Variants in ZBTB20 observed in about 807,000 individuals in gnomAD.
The protein encoded by ZBTB20 is zinc finger and BTB domain-containing protein 20.
In ZBTB20, 9 loss-of-function variants were observed where a neutral mutation model predicts 56.9. The observed-to-expected ratio is 0.16, with a 90% CI of 0.10 to 0.28. ZBTB20 has a LOEUF of 0.28. ZBTB20 is among the 10% of genes least tolerant of loss of function. ZBTB20 has a pLI of 1.00. For missense variants in ZBTB20, 655 were observed against 1,003.0 expected (o/e 0.65, Z 4.69); for synonymous variants, 417 against 420.7 (o/e 0.99, Z 0.11).
intron 7 of ZBTB20, among the ~76,000 whole-genome samples, chr3:114,452,917 T>C (rs1214324256): frequency 6.6e-6 from 1 of 151,274 alleles, no homozygotes; most frequent in African/African-American, 2.4e-5. Flanking sequence ...TAATGTACCT[T>C]AAAAAGATTT....
chr3:114,657,551 C>T lies in ZBTB20; in HGVS notation c.-295+35977G>A, dbSNP rs952498540. On this transcript the variant is annotated intron_variant, in intron 6 of 11. Coordinates refer to ENST00000675478, the MANE Select transcript of ZBTB20 (RefSeq NM_001348800.3). ...ATGTAGATTCATGGGAGCCTTCCCT[C>T]GATGGCTCCATCCTTTCTAATACTT... Among the ~76,000 whole-genome samples the T allele has an allele frequency of 1.2e-4, 19 of 152,324 alleles. No homozygotes were observed. The East Asian group carries it at 1.5e-3, about 12-fold the overall frequency.
intron 2 of ZBTB20, among the ~76,000 whole-genome samples, chr3:115,032,958 TAA>T (rs77048136): frequency 3.5e-5 from 2 of 56,546 alleles, no homozygotes; most frequent in African/African-American, 6.3e-5. Flanking sequence ...CCTAAGGAAC[TAA>T]AAAAAAAAAA....
intron 2 of ZBTB20, among the ~76,000 whole-genome samples, chr3:115,029,226 A>T (rs896099849): frequency 1.3e-5 from 2 of 150,902 alleles, no homozygotes; most frequent in African/African-American, 2.4e-5. Flanking sequence ...AAGTAATGTT[A>T]AAAAATTTTG....
intron 1 of ZBTB20, among the ~76,000 whole-genome samples, chr3:115,075,324 C>T (rs2082556607): frequency 6.6e-6 from 1 of 152,052 alleles, no homozygotes; most frequent in South Asian, 2.1e-4. Flanking sequence ...CATTCTATTC[C>T]TTGATTCTAT....
chr3:114,525,939 C>A (rs2109981488), intron 6 of ZBTB20, among the ~76,000 whole-genome samples: 1 of 152,346 alleles, frequency 6.6e-6, no homozygotes, highest in African/African-American at 2.4e-5. Flanking sequence ...GCAATTCCCA[C>A]AGCTAAATCA....
intron 8 of ZBTB20, among the ~76,000 whole-genome samples, chr3:114,384,035 G>A (rs1576506356): frequency 6.6e-6 from 1 of 151,600 alleles, no homozygotes; most frequent in Admixed American, 6.6e-5. Context: ...CCTTCCTCCT[G>A]GTCACCATGC....
At chr3:114,684,227 T>C (rs763437259) in intron 6 of ZBTB20, among the ~76,000 whole-genome samples, 1 of 152,200 alleles carries the variant, frequency 6.6e-6, no homozygotes, top group Non-Finnish European at 1.5e-5. Context: ...GAGTCTAATA[T>C]GTATTCATCT....
In ZBTB20 at chr3:114,323,908, C is replaced by G. The variant is rs917577480; in HGVS notation, c.*15097G>C. The G allele has an allele frequency of 6.6e-6, 1 of 152,156 alleles. No homozygotes were observed. The highest frequency in any genetic ancestry group is 2.4e-5 in the African/African-American group (1 of 41,420). The allele number at this position is 152,156 out of a possible 1,614,324, so 9.4% of individuals were successfully genotyped here. A position where few individuals can be genotyped will look rare whatever the true frequency, so the allele number is the denominator to read the frequency against. ...ATACGTAACACACTCTCTCCCAGCACAAGTAAGTACATTTCAGTAGTGCAA... is the reference window on the plus strand; with the variant it reads ...ATACGTAACACACTCTCTCCCAGCAGAAGTAAGTACATTTCAGTAGTGCAA... On this transcript the variant is annotated 3_prime_UTR_variant, in exon 12 of 12. Transcript: ENST00000675478.
intron 4 of ZBTB20, among the ~76,000 whole-genome samples, chr3:114,842,858 C>T (rs2107332075): frequency 6.6e-6 from 1 of 152,266 alleles, no homozygotes; most frequent in Non-Finnish European, 1.5e-5. Flanking sequence ...TGTGGAATTC[C>T]TGCACTAGTA....
intron 4 of ZBTB20, among the ~76,000 whole-genome samples, chr3:114,867,969 T>C (rs1346786391): frequency 6.6e-6 from 1 of 152,162 alleles, no homozygotes; most frequent in African/African-American, 2.4e-5. Context: ...CTGAATAACT[T>C]TGTTTAGTTA....
chr3:114,327,203 C>T lies in ZBTB20; in HGVS notation c.*11802G>A, dbSNP rs928306060. On this transcript the variant is annotated 3_prime_UTR_variant, in exon 12 of 12. Transcript: ENST00000675478. ...ACAGGATTTAGACATTAATCTGAGA[C>T]TAACACAGAGGTTGTGGTGAGAAAT... is the stretch of plus-strand genomic sequence containing the variant. 4.6e-5 allele frequency: 7 copies of T among 152,056 alleles called. No homozygotes were observed. Among genetic ancestry groups the T allele is most frequent in the African/African-American group, 1.7e-4 (7 of 41,368 alleles). 9.4% of individuals were successfully genotyped at this position (152,056 alleles called of 1,614,324 possible). A position where few individuals can be genotyped will look rare whatever the true frequency, so the allele number is the denominator to read the frequency against.
intron 5 of ZBTB20, among the ~76,000 whole-genome samples, chr3:114,742,754 C>A (rs1031627991): frequency 1.3e-5 from 2 of 152,126 alleles, no homozygotes; most frequent in Non-Finnish European, 2.9e-5. Flanking sequence ...AAGCACCTGG[C>A]AAGCTTTTAA....
chr3:114,724,865 A>C (rs2065160788), intron 5 of ZBTB20, among the ~76,000 whole-genome samples: 1 of 152,186 alleles, frequency 6.6e-6, no homozygotes, highest in South Asian at 2.1e-4. Context: ...TGGCTTTCAC[A>C]TTTAATTGAG....
chr3:114,574,799 T>C (rs1443301734), intron 6 of ZBTB20, among the ~76,000 whole-genome samples: 3 of 152,198 alleles, frequency 2.0e-5, no homozygotes, highest in African/African-American at 7.2e-5. Flanking sequence ...CTATGACAGC[T>C]CCTGGTTATT....
At chr3:115,124,186 T>A (rs2084259255) in intron 1 of ZBTB20, among the ~76,000 whole-genome samples, 1 of 152,224 alleles carries the variant, frequency 6.6e-6, no homozygotes, top group African/African-American at 2.4e-5. Flanking sequence ...TAAAAAGTAA[T>A]GTAAGTGAAT....
At position 114,833,949 on chromosome 3, in the gene ZBTB20, T is replaced by A. The variant is rs1237828238; in HGVS notation, c.-416-32775A>T. Among the ~76,000 whole-genome samples the A allele has an allele frequency of 2.0e-5, 3 of 152,294 alleles. No homozygotes were observed. In the East Asian group the frequency reaches 5.8e-4, roughly 29 times the overall value. On this transcript the variant is annotated intron_variant, in intron 4 of 11. Coordinates refer to ENST00000675478, the MANE Select transcript of ZBTB20 (RefSeq NM_001348800.3). ...AGTAGTAAGTGAAATTCAGCCAGAC[T>A]TTGAACATAGACATCCTGTTTTAGA... is the stretch of plus-strand genomic sequence containing the variant.
chr3:114,539,380 C>A lies in ZBTB20; in HGVS notation c.-294-38989G>T, dbSNP rs2684291. ...TGATTCTCCACTATTTTTGGCGATA[C>A]AATAGTAATAATGTTAGACATTTGT... On this transcript the variant is annotated intron_variant, in intron 6 of 11. Coordinates refer to ENST00000675478, the MANE Select transcript of ZBTB20 (RefSeq NM_001348800.3). Among the ~76,000 whole-genome samples, 1,001 of 152,170 alleles carry A rather than the reference C, an allele frequency of 6.6e-3. 9 individuals carry two copies. The highest frequency in any genetic ancestry group is 0.022 in the African/African-American group (920 of 41,524).
At chr3:114,363,955 C>T (rs1344369416) in intron 10 of ZBTB20, among the ~76,000 whole-genome samples, 1 of 152,158 alleles carries the variant, frequency 6.6e-6, no homozygotes, top group African/African-American at 2.4e-5. Context: ...TTTCAGCCTT[C>T]CTCCAATTCA....
At chr3:114,963,039 C>T (rs1229486839) in intron 3 of ZBTB20, among the ~76,000 whole-genome samples, 3 of 151,816 alleles carry the variant, frequency 2.0e-5, no homozygotes, top group African/African-American at 7.3e-5. Flanking sequence ...TCACTCACAG[C>T]TCACTTTTTT....
Sources: allele counts gnomAD v4.1 joint callset (sites outside exome capture counted in the v4.1 genomes callset), GRCh38; gene constraint gnomAD v4.1.1; transcripts MANE v1.5; gene names NCBI Gene and HGNC (gene_info 2026-07-23, HGNC 2026-07-21).